Variants in GRM7 observed in about 807,000 individuals in gnomAD.
GRM7 encodes glutamate metabotropic receptor 7, also known as metabotropic glutamate receptor 7.
Under a neutral mutation model 84.5 loss-of-function variants are expected in GRM7, and 35 were observed. That is an observed-to-expected ratio of 0.41 (90% confidence interval 0.32 to 0.55). GRM7 has a LOEUF of 0.55. Among genes scored for constraint, GRM7 ranks in the 20% least tolerant of loss-of-function variants. The pLI, the probability that GRM7 is intolerant of heterozygous loss-of-function variation, is 0.19. For synonymous variants in GRM7, 487 were observed against 455.1 expected, an observed-to-expected ratio of 1.07 and a Z score of -0.89; for missense variants, 1,003 against 1,194.6, an observed-to-expected ratio of 0.84 and a Z score of 2.36.
chr3:7,291,920 C>T (rs1158934215), intron 2 of GRM7, among the ~76,000 whole-genome samples: 1 of 152,116 alleles, frequency 6.6e-6, no homozygotes, highest in African/African-American at 2.4e-5. Flanking sequence ...CCATACTGTT[C>T]TCATGGTGGT....
chr3:6,959,705 G>A (rs968941561), intron 1 of GRM7, among the ~76,000 whole-genome samples: 3 of 152,172 alleles, frequency 2.0e-5, no homozygotes, highest in Admixed American at 6.5e-5. Flanking sequence ...TCCCAGACAT[G>A]TGATCGATCA....
chr3:6,931,590 C>T (rs1208177918), intron 1 of GRM7, among the ~76,000 whole-genome samples: 1 of 152,170 alleles, frequency 6.6e-6, no homozygotes, highest in East Asian at 1.9e-4. Flanking sequence ...CCAAAGTGCC[C>T]CCTGCAAGAA....
chr3:7,032,003 G>T (rs1412892944), intron 1 of GRM7, among the ~76,000 whole-genome samples: 1 of 152,150 alleles, frequency 6.6e-6, no homozygotes, highest in Non-Finnish European at 1.5e-5. Flanking sequence ...TAAGGGAAAT[G>T]ACAATCTATG....
intron 1 of GRM7, among the ~76,000 whole-genome samples, chr3:7,061,117 A>C (rs773119764): frequency 4.6e-5 from 7 of 151,796 alleles, no homozygotes; most frequent in Non-Finnish European, 1.0e-4. Flanking sequence ...AGACTCTTGA[A>C]GACCATACTC....
At chr3:7,688,002 T>G (rs1295322412) in intron 9 of GRM7, among the ~76,000 whole-genome samples, 1 of 151,744 alleles carries the variant, frequency 6.6e-6, no homozygotes, top group Non-Finnish European at 1.5e-5. Flanking sequence ...AGATTTCAAG[T>G]TTTTTTTGTA....
chr3:6,874,145 G>A (rs1293610668), intron 1 of GRM7, among the ~76,000 whole-genome samples: 1 of 152,158 alleles, frequency 6.6e-6, no homozygotes, highest in Non-Finnish European at 1.5e-5. Context: ...TACTGTTGTT[G>A]TGAAGAATGA....
intron 8 of GRM7, chr3:7,608,232 C>T (rs1696686235): frequency 6.5e-6 from 1 of 153,288 alleles, no homozygotes; most frequent in South Asian, 1.9e-4. Flanking sequence ...ATTTATATTC[C>T]TCCATGTATA....
At chr3:7,154,560 T>C (rs1442728336) in intron 2 of GRM7, among the ~76,000 whole-genome samples, 10 of 151,984 alleles carry the variant, frequency 6.6e-5, no homozygotes, top group Non-Finnish European at 1.5e-5. Context: ...ATGACTGCCA[T>C]AGGATGCATG....
At chr3:6,903,560 G>C (rs1014422580) in intron 1 of GRM7, among the ~76,000 whole-genome samples, 1 of 152,054 alleles carries the variant, frequency 6.6e-6, no homozygotes, top group Admixed American at 6.6e-5. Context: ...TGATGAGAAC[G>C]TAGGCTGTTC....
At chr3:6,971,559 T>A (rs972686765) in intron 1 of GRM7, among the ~76,000 whole-genome samples, 1 of 152,214 alleles carries the variant, frequency 6.6e-6, no homozygotes, top group Non-Finnish European at 1.5e-5. Flanking sequence ...TTTCACCAAT[T>A]GTTCCAAAGG....
chr3:7,570,604 C>T (rs1393219416), intron 7 of GRM7, among the ~76,000 whole-genome samples: 2 of 152,238 alleles, frequency 1.3e-5, no homozygotes, highest in Non-Finnish European at 2.9e-5. Flanking sequence ...TTGCAGGGCA[C>T]AGCCTTCCTT....
intron 1 of GRM7, among the ~76,000 whole-genome samples, chr3:7,029,375 C>A (rs1384991294): frequency 6.6e-6 from 1 of 151,224 alleles, no homozygotes; most frequent in Non-Finnish European, 1.5e-5. Context: ...GGTACATATC[C>A]AAAATAATTG....
chr3:6,954,439 T>G (rs1476812455), intron 1 of GRM7, among the ~76,000 whole-genome samples: 1 of 152,220 alleles, frequency 6.6e-6, no homozygotes, highest in East Asian at 1.9e-4. Flanking sequence ...TGTCTGATTC[T>G]TCAAGAAAAT....
chr3:6,985,625 C>G (rs370380540), intron 1 of GRM7, among the ~76,000 whole-genome samples: 1 of 152,130 alleles, frequency 6.6e-6, no homozygotes, highest in Non-Finnish European at 1.5e-5. Flanking sequence ...CGTCACATGG[C>G]TAATATGAGG....
chr3:7,421,512 G>A (rs968268741), intron 5 of GRM7, among the ~76,000 whole-genome samples: 1 of 152,102 alleles, frequency 6.6e-6, no homozygotes. Flanking sequence ...TGGTCCACAG[G>A]CCTGGACCTT....
At chr3:6,946,621 A>T (rs938250551) in intron 1 of GRM7, among the ~76,000 whole-genome samples, 1 of 152,038 alleles carries the variant, frequency 6.6e-6, no homozygotes, top group African/African-American at 2.4e-5. Context: ...CTTGATGGGG[A>T]TGGCATTGAA....
intron 2 of GRM7, among the ~76,000 whole-genome samples, chr3:7,175,164 C>CT (rs564829936): frequency 9.8e-4 from 149 of 152,302 alleles, no homozygotes; most frequent in Admixed American, 2.6e-3. Context: ...TATTTAAACT[C>CT]TTGAAGACTT....
At chr3:7,211,278 A>G (rs1021949451) in intron 2 of GRM7, among the ~76,000 whole-genome samples, 5 of 152,220 alleles carry the variant, frequency 3.3e-5, no homozygotes, top group African/African-American at 1.2e-4. Flanking sequence ...TGTGCATCCA[A>G]AATACCTGAG....
intron 1 of GRM7, among the ~76,000 whole-genome samples, chr3:7,106,618 C>A (rs1030181117): frequency 6.6e-6 from 1 of 151,996 alleles, no homozygotes; most frequent in Non-Finnish European, 1.5e-5. Context: ...CCAGCTGAAG[C>A]AAAGGCTACA....
Sources: allele counts gnomAD v4.1 joint callset (sites outside exome capture counted in the v4.1 genomes callset), GRCh38; gene constraint gnomAD v4.1.1; transcripts MANE v1.5; gene names NCBI Gene and HGNC (gene_info 2026-07-23, HGNC 2026-07-21).